ADAMTSL3: variants seen among roughly 807,000 people sequenced by gnomAD.
The protein encoded by ADAMTSL3 is ADAMTS-like protein 3.
ADAMTSL3 carries 128 observed loss-of-function variants against 201.7 expected under a neutral mutation model. That is an observed-to-expected ratio of 0.63 (90% CI 0.55 to 0.73). The LOEUF (loss-of-function observed/expected upper bound fraction) is 0.73. Ranked by LOEUF, ADAMTSL3 falls within the 30% of genes least tolerant of loss-of-function variation. ADAMTSL3 has a pLI of 0.00. For missense variants in ADAMTSL3, 1,990 were observed against 2,119.6 expected (o/e 0.94, Z 1.20); for synonymous variants, 738 against 748.4 (o/e 0.99, Z 0.23).
chr15:83,906,421 G>A (rs1474495615), intron 15 of ADAMTSL3, among the ~76,000 whole-genome samples: 1 of 152,074 alleles, frequency 6.6e-6, no homozygotes, highest in African/African-American at 2.4e-5. Flanking sequence ...AATCCCCTGA[G>A]TATTTTATAC....
chr15:83,698,834 A>G (rs1280226930), intron 2 of ADAMTSL3, among the ~76,000 whole-genome samples: 2 of 152,124 alleles, frequency 1.3e-5, no homozygotes, highest in Non-Finnish European at 2.9e-5. Flanking sequence ...TCCAAGGGAT[A>G]CTTCTCTGGC....
intron 9 of ADAMTSL3, among the ~76,000 whole-genome samples, chr15:83,872,627 C>CACACACACACACACACACACAGAG (rs6145659): frequency 2.5e-3 from 352 of 140,914 alleles, no homozygotes; most frequent in African/African-American, 8.6e-3. Context: ...CACACACACA[C>CACACACACACACACACACACAGAG]AGAGTTTTTG....
intron 19 of ADAMTSL3, among the ~76,000 whole-genome samples, chr15:83,952,090 A>G (rs1208064259): frequency 2.0e-5 from 3 of 152,096 alleles, no homozygotes; most frequent in Non-Finnish European, 4.4e-5. Context: ...GTAGGCATTT[A>G]TAGCTATAAA....
intron 17 of ADAMTSL3, 57 bp from the exon 18 acceptor site, chr15:83,942,539 T>G: frequency 6.5e-7 from 1 of 1,527,958 alleles, no homozygotes; most frequent in Non-Finnish European, 8.9e-7. Flanking sequence ...CATGCTCTGA[T>G]GGTTGCACGT....
intron 4 of ADAMTSL3, among the ~76,000 whole-genome samples, chr15:83,784,516 A>G (rs189773313): frequency 6.6e-6 from 1 of 152,180 alleles, no homozygotes; most frequent in Non-Finnish European, 1.5e-5. Flanking sequence ...TCACTTATTA[A>G]CATACTATCA....
chr15:83,824,585 A>G (rs1322059391), intron 6 of ADAMTSL3, among the ~76,000 whole-genome samples: 1 of 152,196 alleles, frequency 6.6e-6, no homozygotes. Context: ...CTATTATAGT[A>G]TAATGCAGAG....
chr15:84,017,299 A>C (rs968745996), intron 25 of ADAMTSL3, among the ~76,000 whole-genome samples: 1 of 152,054 alleles, frequency 6.6e-6, no homozygotes, highest in South Asian at 2.1e-4. Flanking sequence ...TTGTATTTTT[A>C]GTGGAGACGA....
At position 83,923,990 on chromosome 15, in the gene ADAMTSL3, C is replaced by T. The variant is rs1156811867; in HGVS notation, c.2074C>T (p.Pro692Ser). The change falls in exon 17 of 30, where the codon CCA (proline) becomes TCA (serine). Residue 692 changes from proline (P) to serine (S), a missense_variant. Coordinates refer to ENST00000286744, the MANE Select transcript of ADAMTSL3 (RefSeq NM_207517.3). The part of the protein sequence containing the change: ...DSLCDMVHRP[P>S]AMSQACNTEP... ...CTTGTGTGATATGGTCCACCGTCCT[C>T]CAGCCATGAGCCAGGCCTGTAACAC... 7 of 1,614,178 alleles carry T rather than the reference C, an allele frequency of 4.3e-6. 1 individual carries two copies. The highest frequency in any genetic ancestry group is 3.4e-6 in the Non-Finnish European group (4 of 1,180,012).
intron 4 of ADAMTSL3, among the ~76,000 whole-genome samples, chr15:83,801,692 A>ATGTATG (rs1336501473): frequency 8.1e-5 from 7 of 86,222 alleles, no homozygotes; most frequent in African/African-American, 2.9e-4. Context: ...ATATATATAT[A>ATGTATG]TATGTATGTA....
At chr15:83,736,004 AAAG>A (rs1220874419) in intron 3 of ADAMTSL3, among the ~76,000 whole-genome samples, 1 of 152,176 alleles carries the variant, frequency 6.6e-6, no homozygotes, top group African/African-American at 2.4e-5. Context: ...GGAGAAAAAA[AAAG>A]AAGTTGACTA....
At chr15:83,702,156 A>G (rs1240196979) in intron 2 of ADAMTSL3, among the ~76,000 whole-genome samples, 4 of 152,140 alleles carry the variant, frequency 2.6e-5, no homozygotes. Flanking sequence ...GGAACTTTGA[A>G]CTTGAGAGAG....
chr15:83,674,381 C>T (rs2061365990), intron 2 of ADAMTSL3, among the ~76,000 whole-genome samples: 1 of 151,912 alleles, frequency 6.6e-6, no homozygotes, highest in Non-Finnish European at 1.5e-5. Context: ...GACATTCATC[C>T]TCCATTACAT....
At chr15:83,957,128 C>T (rs1364152029) in intron 19 of ADAMTSL3, among the ~76,000 whole-genome samples, 1 of 152,086 alleles carries the variant, frequency 6.6e-6, no homozygotes, top group Admixed American at 6.5e-5. Flanking sequence ...TTTGGAGTTG[C>T]GTCTTAAGAG....
chr15:84,016,022 G>A (rs17158449), intron 24 of ADAMTSL3, among the ~76,000 whole-genome samples: 6,622 of 152,238 alleles, frequency 0.043, 456 homozygotes, highest in African/African-American at 0.15. Flanking sequence ...AACATTGCCC[G>A]TTCTCTTGCT....
chr15:83,966,715 A>C (rs2067096211), intron 19 of ADAMTSL3, among the ~76,000 whole-genome samples: 1 of 152,174 alleles, frequency 6.6e-6, no homozygotes, highest in Non-Finnish European at 1.5e-5. Context: ...AACCTGGCAG[A>C]AACACAACAA....
intron 4 of ADAMTSL3, 54 bp from the exon 5 acceptor site, chr15:83,804,596 T>C: frequency 8.9e-7 from 1 of 1,128,038 alleles, no homozygotes; most frequent in Admixed American, 2.9e-5. Flanking sequence ...TTTTTAATGC[T>C]TGCCTCTTCT....
chr15:83,913,325 C>T lies in ADAMTSL3; in HGVS notation c.1934C>T (p.Thr645Ile). 1 of 1,613,830 alleles carries T rather than the reference C, an allele frequency of 6.2e-7. No homozygotes were observed. Among genetic ancestry groups the T allele is most frequent in the South Asian group, 1.1e-5 (1 of 91,074 alleles). ...DIPLPEDSET[T>I]YDWEYAGFTP... ...CCTCTCCCTGAGGACAGTGAGACGA[C>T]TTACGACTGGGAGTACGCTGGGTTC... Residue 645 changes from threonine (T) to isoleucine (I), a missense_variant, in exon 16 of 30, where the codon ACT (threonine) becomes ATT (isoleucine). By Grantham distance (89) the Thr-to-Ile change is moderately conservative. Transcript: ENST00000286744.
intron 23 of ADAMTSL3, among the ~76,000 whole-genome samples, chr15:84,001,803 G>A (rs570421924): frequency 2.6e-5 from 4 of 152,334 alleles, no homozygotes; most frequent in African/African-American, 9.6e-5. Context: ...TGGGCCACAA[G>A]ATGCCAGCCA....
In ADAMTSL3 at chr15:83,876,831, C is replaced by T. The variant is rs184321883; in HGVS notation, c.960+5872C>T. 1.1e-4 allele frequency among the ~76,000 whole-genome samples: 17 copies of T among 152,260 alleles called. No homozygotes were observed. The East Asian group carries it at 3.3e-3, about 29-fold the overall frequency. Reference sequence around the variant, plus strand: ...TTTATTTATTTGAGTCTCTCTCTGTCGCCCAGACTGGAGTGCAGTGGCACG... The same window carrying T: ...TTTATTTATTTGAGTCTCTCTCTGTTGCCCAGACTGGAGTGCAGTGGCACG... On this transcript the variant is annotated intron_variant, in intron 9 of 29. Transcript: ENST00000286744.
Sources: gnomAD v4.1 joint callset for allele counts (sites outside exome capture counted in the v4.1 genomes callset) on GRCh38, gnomAD v4.1.1 for gene constraint, MANE v1.5 for transcripts, NCBI Gene and HGNC (gene_info 2026-07-23, HGNC 2026-07-21) for gene names.